Variants in DOCK7 observed in about 807,000 individuals in gnomAD.
DOCK7 encodes the protein dedicator of cytokinesis protein 7.
DOCK7 carries 138 observed loss-of-function variants against 271.0 expected under a neutral mutation model. That is an observed-to-expected ratio of 0.51 (90% CI 0.44 to 0.59). DOCK7 has a LOEUF of 0.59. Ranked by LOEUF, DOCK7 falls within the 20% of genes least tolerant of loss-of-function variation. DOCK7 has a pLI of 0.00. For missense variants in DOCK7, 2,066 were observed against 2,592.4 expected, an observed-to-expected ratio of 0.80 and a Z score of 4.41; for synonymous variants, 823 against 876.1, an observed-to-expected ratio of 0.94 and a Z score of 1.07.
rs554472916 is a variant in DOCK7, at chr1:62,545,992, G to A, written c.2767-953C>T. Among the ~76,000 whole-genome samples the A allele has an allele frequency of 4.7e-3, 721 of 152,212 alleles. 4 individuals carry two copies. Among genetic ancestry groups the A allele is most frequent in the Non-Finnish European group, 8.9e-3 (607 of 67,992 alleles). ...ATTGGAACTGGAGCAAGTTGTAAAA[G>A]ATTTTTAAAGAATTATTAGGGTAAG... On this transcript the variant is annotated intron_variant, in intron 22 of 49. Coordinates refer to ENST00000635253, the MANE Select transcript of DOCK7 (RefSeq NM_001367561.1).
intron 14 of DOCK7, chr1:62,608,878 G>A (rs1199468451): frequency 2.6e-5 from 4 of 151,930 alleles, no homozygotes; most frequent in African/African-American, 9.7e-5. Flanking sequence ...TTTTAGAAAT[G>A]GTATTCATTA....
intron 14 of DOCK7, among the ~76,000 whole-genome samples, chr1:62,601,401 G>C (rs1381757772): frequency 2.0e-5 from 3 of 151,518 alleles, no homozygotes; most frequent in Admixed American, 1.3e-4. Context: ...TTGATTATTA[G>C]ATAATATAGA....
At chr1:62,579,061 C>A in intron 16 of DOCK7, 95 bp from the exon 17 acceptor site, 1 of 1,216,372 alleles carries the variant, frequency 8.2e-7, no homozygotes, top group Non-Finnish European at 1.1e-6. Flanking sequence ...TTTTAAGATT[C>A]ATGTTTAATT....
In DOCK7 at chr1:62,553,342, ATATATATATATATTTTTTTTTTTTTTTTT is replaced by A. The variant is rs1226492789; in HGVS notation, c.2597-470_2597-442del. The stretch of plus-strand genomic sequence containing the variant: ...TATATATATATATATATATATATAT[ATATATATATATATTTTTTTTTTTTTTTTT>A]TTTTTTTTTTTTTTAATAGGCAGGT... On this transcript the variant is annotated intron_variant, in intron 21 of 49. Transcript: ENST00000635253. 6.6e-3 allele frequency among the ~76,000 whole-genome samples: 219 copies of A among 33,030 alleles called. 6 individuals carry two copies. Among genetic ancestry groups the A allele is most frequent in the East Asian group, 0.043 (27 of 634 alleles). 21.7% of individuals were successfully genotyped at this position (33,030 alleles called of 152,430 possible). A position where few individuals can be genotyped will look rare whatever the true frequency, so the allele number is the denominator to read the frequency against.
chr1:62,538,201 CT>C (rs1645409968), intron 27 of DOCK7, 140 bp from the exon 28 acceptor site: 12 of 773,592 alleles, frequency 1.6e-5, no homozygotes, highest in Non-Finnish European at 1.7e-5. Context: ...GCAGTATCAC[CT>C]TTTTCCAGAG....
intron 18 of DOCK7, among the ~76,000 whole-genome samples, chr1:62,572,248 G>T (rs1275571179): frequency 6.6e-6 from 1 of 152,188 alleles, no homozygotes; most frequent in African/African-American, 2.4e-5. Context: ...TCATGCTAAA[G>T]TGAAAAATGT....
At chr1:62,549,301 A>G (rs993411074) in intron 22 of DOCK7, among the ~76,000 whole-genome samples, 2 of 152,182 alleles carry the variant, frequency 1.3e-5, no homozygotes, top group Non-Finnish European at 2.9e-5. Flanking sequence ...ATTTAGCAAC[A>G]TGAAGGGTGC....
intron 14 of DOCK7, among the ~76,000 whole-genome samples, chr1:62,617,812 T>C (rs1652643720): frequency 6.6e-6 from 1 of 151,966 alleles, no homozygotes; most frequent in South Asian, 2.1e-4. Context: ...CTGATCTAGA[T>C]GGTGACAGAC....
intron 1 of DOCK7, among the ~76,000 whole-genome samples, chr1:62,674,316 C>A (rs981498032): frequency 6.6e-6 from 1 of 152,190 alleles, no homozygotes; most frequent in Non-Finnish European, 1.5e-5. Context: ...TAGACCCCCC[C>A]CACCAACCAT....
At chr1:62,487,058 T>C (rs150170985) in intron 43 of DOCK7, 84 of 180,860 alleles carry the variant, frequency 4.6e-4, no homozygotes, top group African/African-American at 1.7e-3. Flanking sequence ...CTCTGTAAAA[T>C]GAGGTGAAAC....
In DOCK7 at chr1:62,589,385, T is replaced by A. The variant is rs189260287; in HGVS notation, c.1683-2761A>T. On this transcript the variant is annotated intron_variant, in intron 14 of 49. Transcript: ENST00000635253. ...ATTAACTTGTCCCATCTTTGGCAAA[T>A]GAAAAAAACAATGCAAGCTGGTTTT... is the stretch of plus-strand genomic sequence containing the variant. 6.4e-3 allele frequency among the ~76,000 whole-genome samples: 981 copies of A among 152,244 alleles called. 6 individuals are homozygous for A. Among genetic ancestry groups the A allele is most frequent in the Middle Eastern group, 0.044 (13 of 294 alleles).
At chr1:62,490,746 TCA>T (rs1433543407) in intron 41 of DOCK7, among the ~76,000 whole-genome samples, 1 of 152,174 alleles carries the variant, frequency 6.6e-6, no homozygotes, top group Non-Finnish European at 1.5e-5. Context: ...TTATTAAAAA[TCA>T]CACATATACA....
intron 43 of DOCK7, 42 bp from the exon 44 acceptor site, chr1:62,477,867 G>A (rs780721949): frequency 1.3e-6 from 2 of 1,530,306 alleles, no homozygotes; most frequent in Non-Finnish European, 1.8e-6. Flanking sequence ...ACTTTAATAT[G>A]AAATCTTCCT....
chr1:62,577,446 C>A, intron 17 of DOCK7, 83 bp from the exon 18 acceptor site: 6 of 985,682 alleles, frequency 6.1e-6, no homozygotes, highest in Non-Finnish European at 8.6e-6. Context: ...GAACTTGGTA[C>A]AAGCCAAATT....
intron 7 of DOCK7, chr1:62,641,380 CT>C: frequency 5.0e-6 from 2 of 400,108 alleles, no homozygotes; most frequent in Non-Finnish European, 4.9e-6. Flanking sequence ...CCACAGTCCA[CT>C]TTTTGTCATA....
chr1:62,541,571 T>C (rs1645533169), intron 25 of DOCK7, among the ~76,000 whole-genome samples: 1 of 152,250 alleles, frequency 6.6e-6, no homozygotes, highest in East Asian at 1.9e-4. Context: ...AAATATATTT[T>C]AACTTCCTTA....
At chr1:62,558,480 T>C (rs1289484683) in intron 20 of DOCK7, among the ~76,000 whole-genome samples, 2 of 151,966 alleles carry the variant, frequency 1.3e-5, no homozygotes, top group Non-Finnish European at 2.9e-5. Flanking sequence ...TGAAAAACGA[T>C]GGGAATGAAG....
intron 48 of DOCK7, among the ~76,000 whole-genome samples, chr1:62,468,030 A>G (rs1030809910): frequency 6.6e-6 from 1 of 152,170 alleles, no homozygotes; most frequent in African/African-American, 2.4e-5. Flanking sequence ...ACAGATGCAG[A>G]AAAAGCAAAT....
intron 31 of DOCK7, among the ~76,000 whole-genome samples, chr1:62,519,575 C>G (rs1020329774): frequency 1.1e-4 from 16 of 151,934 alleles, no homozygotes; most frequent in Admixed American, 9.2e-4. Flanking sequence ...AAAATGCTAC[C>G]TATTGATTAT....
Sources: gnomAD v4.1 joint callset for allele counts (sites outside exome capture counted in the v4.1 genomes callset) on GRCh38, gnomAD v4.1.1 for gene constraint, MANE v1.5 for transcripts, NCBI Gene and HGNC (gene_info 2026-07-23, HGNC 2026-07-21) for gene names.